The following SENP1 variants were observed in gnomAD, a reference collection of about 807,000 sequenced individuals.
SENP1 encodes the protein sentrin-specific protease 1.
A neutral mutation model predicts 93.0 loss-of-function variants in SENP1; 21 were observed. That is an observed-to-expected ratio of 0.23 (90% CI 0.16 to 0.33). SENP1 has a LOEUF of 0.33. Among genes scored for constraint, SENP1 ranks in the 10% least tolerant of loss-of-function variants. The probability of loss-of-function intolerance (pLI) is 1.00; values close to 1 mark genes in which losing one functional copy is unlikely to be tolerated. For missense variants in SENP1, 591 were observed against 758.7 expected (o/e 0.78, Z 2.60); for synonymous variants, 256 against 259.6 (o/e 0.99, Z 0.13).
At chr12:48,051,449 T>G (rs12310743) in intron 13 of SENP1, among the ~76,000 whole-genome samples, 2,286 of 152,292 alleles carry the variant, frequency 0.015, 76 homozygotes, top group African/African-American at 0.052. Flanking sequence ...AGAAGGGAGT[T>G]TGGTGACCTC....
intron 4 of SENP1, among the ~76,000 whole-genome samples, chr12:48,093,190 C>T (rs1026400696): frequency 6.6e-6 from 1 of 151,564 alleles, no homozygotes; most frequent in Non-Finnish European, 1.5e-5. Flanking sequence ...TGTGAAAATA[C>T]TCATTTTTAC....
At chr12:48,086,015 G>A (rs1460106243) in intron 5 of SENP1, among the ~76,000 whole-genome samples, 1 of 152,130 alleles carries the variant, frequency 6.6e-6, no homozygotes, top group African/African-American at 2.4e-5. Context: ...CATGAGTTAA[G>A]GTCAAACAGA....
intron 8 of SENP1, among the ~76,000 whole-genome samples, chr12:48,072,218 G>C (rs907912610): frequency 6.6e-6 from 1 of 152,104 alleles, no homozygotes; most frequent in Non-Finnish European, 1.5e-5. Context: ...CTCTATTTCA[G>C]GCATGAAATC....
chr12:48,085,132 G>A, intron 5 of SENP1: 1 of 1,407,150 alleles, frequency 7.1e-7, no homozygotes, highest in Non-Finnish European at 1.0e-6. Context: ...CTGCTGGGCA[G>A]CATAGGGGAG....
chr12:48,065,348 CTTTT>C (rs1721243358), intron 11 of SENP1, 128 bp from the exon 12 acceptor site: 1 of 787,164 alleles, frequency 1.3e-6, no homozygotes, highest in African/African-American at 1.8e-5. Flanking sequence ...ATTGCTTTCG[CTTTT>C]TTGTAAAGTC....
Position 48,101,492 on chromosome 12 carries a change from C to T in SENP1, c.-20G>A, listed in dbSNP as rs760195797. On this transcript the variant is annotated 5_prime_UTR_variant, in exon 2 of 18. It adds an upstream start codon to the 5' untranslated region. Coordinates refer to ENST00000549518, the MANE Select transcript of SENP1 (RefSeq NM_001267594.2). ...ACCCATTTCAAGTCTTTTCACATCA[C>T]TGACTTTAGCAAAGATACAAAGTCC... 1.9e-6 allele frequency: 3 copies of T among 1,594,300 alleles called. No individual in the cohort carries two copies. Among genetic ancestry groups the T allele is most frequent in the South Asian group, 1.1e-5 (1 of 87,538 alleles).
chr12:48,075,395 C>G (rs1252253846), intron 6 of SENP1, among the ~76,000 whole-genome samples: 2 of 151,964 alleles, frequency 1.3e-5, no homozygotes, highest in East Asian at 3.8e-4. Context: ...ACTTCTGAGT[C>G]AAAAAAGAGT....
At chr12:48,061,760 T>TC (rs1942975575) in intron 13 of SENP1, among the ~76,000 whole-genome samples, 1 of 152,148 alleles carries the variant, frequency 6.6e-6, no homozygotes, top group South Asian at 2.1e-4. Flanking sequence ...CTAATAATAC[T>TC]CCATCAGGAT....
At chr12:48,089,404 G>C in intron 4 of SENP1, 1 of 1,104,738 alleles carries the variant, frequency 9.1e-7, no homozygotes, top group Non-Finnish European at 1.2e-6. Context: ...CACTTTCTTC[G>C]TTTTAGTTAC....
Position 48,074,620 on chromosome 12 carries a change from G to A in SENP1, c.657-13C>T. On this transcript the variant is annotated splice_polypyrimidine_tract_variant and intron_variant, in intron 7 of 17. Transcript: ENST00000549518. ...AAGACATCGAGACCTAGCAAGAGAA[G>A]AATATTGTTTCAATATCAAGTAATA... 1 of 1,609,466 alleles carries A rather than the reference G, an allele frequency of 6.2e-7. No homozygotes were observed. Among genetic ancestry groups the A allele is most frequent in the East Asian group, 2.2e-5 (1 of 44,814 alleles).
intron 13 of SENP1, among the ~76,000 whole-genome samples, chr12:48,059,245 C>A (rs932262410): frequency 2.8e-4 from 42 of 152,116 alleles, no homozygotes; most frequent in Non-Finnish European, 5.9e-5. Flanking sequence ...ATATGCTTAA[C>A]CTGTCTGGTA....
intron 6 of SENP1, among the ~76,000 whole-genome samples, chr12:48,075,055 TA>T (rs369422900): frequency 1.3e-4 from 19 of 144,410 alleles, no homozygotes; most frequent in African/African-American, 3.3e-4. Context: ...AAAGAAAACT[TA>T]AAAAAAAAAA....
intron 3 of SENP1, 152 bp downstream of exon 3, chr12:48,097,842 T>C (rs913254470): frequency 3.0e-6 from 2 of 659,050 alleles, no homozygotes; most frequent in Admixed American, 3.1e-5. Context: ...AATTTTAATA[T>C]ATAGAGCAGA....
chr12:48,086,238 C>A (rs1197874461), intron 5 of SENP1, among the ~76,000 whole-genome samples: 1 of 152,170 alleles, frequency 6.6e-6, no homozygotes, highest in Non-Finnish European at 1.5e-5. Context: ...ATGTATCAGG[C>A]CTTTCCCATA....
intron 12 of SENP1, among the ~76,000 whole-genome samples, chr12:48,064,662 G>A (rs117669304): frequency 0.029 from 4,435 of 152,118 alleles, 99 homozygotes; most frequent in Non-Finnish European, 0.044. Flanking sequence ...TAAATAACAC[G>A]TGTTCTATGG....
intron 13 of SENP1, among the ~76,000 whole-genome samples, chr12:48,062,750 T>G (rs1380745611): frequency 6.6e-6 from 1 of 152,224 alleles, no homozygotes; most frequent in East Asian, 1.9e-4. Context: ...ATCTGCAGAA[T>G]GGTGAACTAT....
At chr12:48,094,027 T>C (rs1409038460) in intron 4 of SENP1, among the ~76,000 whole-genome samples, 2 of 152,104 alleles carry the variant, frequency 1.3e-5, no homozygotes, top group Admixed American at 1.3e-4. Flanking sequence ...GCAATGTGTA[T>C]GAGGTATGTA....
chr12:48,088,212 C>T (rs886113379), intron 5 of SENP1, among the ~76,000 whole-genome samples: 3 of 152,104 alleles, frequency 2.0e-5, no homozygotes, highest in Admixed American at 2.0e-4. Context: ...ACCACCATGC[C>T]TGGCTAATTT....
intron 10 of SENP1, among the ~76,000 whole-genome samples, chr12:48,066,367 T>C (rs1286914679): frequency 6.6e-6 from 1 of 152,232 alleles, no homozygotes; most frequent in African/African-American, 2.4e-5. Context: ...ATCATTTATT[T>C]TCCCTATTAT....
Sources: gnomAD v4.1 joint callset for allele counts (sites outside exome capture counted in the v4.1 genomes callset) on GRCh38, gnomAD v4.1.1 for gene constraint, MANE v1.5 for transcripts, NCBI Gene and HGNC (gene_info 2026-07-23, HGNC 2026-07-21) for gene names.